Variants in AJAP1 observed in about 807,000 individuals in gnomAD.
The protein encoded by AJAP1 is adherens junction-associated protein 1.
Under a neutral mutation model 35.0 loss-of-function variants are expected in AJAP1, and 5 were observed. The ratio of observed to expected loss-of-function variants is 0.14; its 90% CI spans 0.07 to 0.30. The LOEUF (loss-of-function observed/expected upper bound fraction) is 0.30, where lower values mean the gene tolerates loss of function less well. Among genes scored for constraint, AJAP1 ranks in the 10% least tolerant of loss-of-function variants. The probability of loss-of-function intolerance (pLI) is 1.00; values close to 1 mark genes in which losing one functional copy is unlikely to be tolerated. For synonymous variants in AJAP1, 284 were observed against 249.3 expected (o/e 1.14, Z -1.31); for missense variants, 586 against 571.0 (o/e 1.03, Z -0.27).
Position 4,712,176 on chromosome 1 carries a change from C to A in AJAP1, c.306C>A (p.His102Gln). 1 of 1,565,446 alleles carries A rather than the reference C, an allele frequency of 6.4e-7. No homozygotes were observed. Among genetic ancestry groups the A allele is most frequent in the Non-Finnish European group, 8.6e-7 (1 of 1,161,978 alleles). ...QMQMPRARRA[H>Q]RPRDQAAALV... is the part of the protein sequence containing the mutation. ...AGATGCCTCGAGCCAGACGGGCCCA[C>A]AGGCCCCGGGACCAGGCGGCCGCCC... Residue 102 changes from histidine (H) to glutamine (Q), a missense_variant, in exon 2 of 6, where the codon CAC (histidine) becomes CAA (glutamine). Transcript: ENST00000378191.
intron 5 of AJAP1, chr1:4,777,917 G>A (rs1641972095): frequency 6.6e-6 from 1 of 152,202 alleles, no homozygotes; most frequent in African/African-American, 2.4e-5. Context: ...TGCTTGCTGA[G>A]CTGAGAACAG....
At chr1:4,752,963 C>T (rs909227297) in intron 2 of AJAP1, among the ~76,000 whole-genome samples, 1 of 152,298 alleles carries the variant, frequency 6.6e-6, no homozygotes, top group East Asian at 1.9e-4. Context: ...CTGGGGTGCT[C>T]CTTGGCCACA....
At chr1:4,773,538 C>G (rs1254743101) in intron 4 of AJAP1, among the ~76,000 whole-genome samples, 1 of 152,240 alleles carries the variant, frequency 6.6e-6, no homozygotes, top group Non-Finnish European at 1.5e-5. Context: ...TATTCTCTGT[C>G]TTAGACGTTC....
At chr1:4,749,547 C>T (rs989568537) in intron 2 of AJAP1, among the ~76,000 whole-genome samples, 1 of 152,208 alleles carries the variant, frequency 6.6e-6, no homozygotes, top group Non-Finnish European at 1.5e-5. Flanking sequence ...CCCAGCCCTC[C>T]ACGGACGTGG....
chr1:4,712,435 G>A lies in AJAP1; in HGVS notation c.565G>A (p.Glu189Lys), dbSNP rs201071684. 1 of 1,605,716 alleles carries A rather than the reference G, an allele frequency of 6.2e-7. No individual in the cohort carries two copies. The stretch of plus-strand genomic sequence containing the variant: ...CATCGCCTGGGGGCCCACGGGGGAC[G>A]AGGAGGCCCTGGAGTCCAACACATT... ...EFIAWGPTGD[E>K]EALESNTFPG... Residue 189 changes from glutamate (E) to lysine (K), a missense_variant, in exon 2 of 6, where the codon GAG (glutamate) becomes AAG (lysine). Glu to Lys is a moderately conservative substitution (Grantham distance 56). Coordinates refer to ENST00000378191, the MANE Select transcript of AJAP1 (RefSeq NM_018836.4).
chr1:4,788,766 A>G lies in AJAP1; in HGVS notation c.*6281A>G, dbSNP rs1395031507. On this transcript the variant is annotated 3_prime_UTR_variant, in exon 6 of 6. Coordinates refer to ENST00000378191, the MANE Select transcript of AJAP1 (RefSeq NM_018836.4). ...GTGCACAATGGCCCCCAGAATATCC[A>G]GTGACCCAAGTGATGTTAGTCTTAG... 1 of 152,164 alleles carries G rather than the reference A, an allele frequency of 6.6e-6. No homozygotes were observed. The highest frequency in any genetic ancestry group is 2.4e-5 in the African/African-American group (1 of 41,430). 9.4% of individuals were successfully genotyped at this position (152,164 alleles called of 1,614,324 possible).
chr1:4,724,309 C>A (rs1158399271), intron 2 of AJAP1, among the ~76,000 whole-genome samples: 1 of 152,152 alleles, frequency 6.6e-6, no homozygotes, highest in African/African-American at 2.4e-5. Context: ...GGGAGGATTT[C>A]TGTCCCCTCT....
intron 2 of AJAP1, among the ~76,000 whole-genome samples, chr1:4,750,473 C>T (rs891030963): frequency 7.9e-5 from 12 of 152,284 alleles, no homozygotes; most frequent in South Asian, 6.2e-4. Context: ...GTGAAAAGTG[C>T]ATGTGGCAGC....
Position 4,655,291 on chromosome 1 carries a change from G to A in AJAP1, c.-135G>A, listed in dbSNP as rs947552661. 103 of 613,296 alleles carry A rather than the reference G, an allele frequency of 1.7e-4. No homozygotes were observed. Among genetic ancestry groups the A allele is most frequent in the Non-Finnish European group, 2.0e-4 (94 of 468,764 alleles). The allele number at this position is 613,296 out of a possible 1,614,324, so 38.0% of individuals were successfully genotyped here. A position where few individuals can be genotyped will look rare whatever the true frequency, so the allele number is the denominator to read the frequency against. ...CGCGCTCTGACTCGCTGTGCGCCCC[G>A]CGGCCGGCGGGCGGCGGGAGGCGGC... On this transcript the variant is annotated 5_prime_UTR_variant, in exon 1 of 6. Coordinates refer to ENST00000378191, the MANE Select transcript of AJAP1 (RefSeq NM_018836.4). The surrounding 1 kb of genome is among the most constrained non-coding windows in gnomAD (Gnocchi z 6.9).
At chr1:4,753,015 C>A (rs901646741) in intron 2 of AJAP1, among the ~76,000 whole-genome samples, 1 of 152,224 alleles carries the variant, frequency 6.6e-6, no homozygotes, top group Non-Finnish European at 1.5e-5. Context: ...CTTGTATGAC[C>A]TTCTCTCCAT....
intron 1 of AJAP1, among the ~76,000 whole-genome samples, chr1:4,668,095 G>A (rs1639173548): frequency 6.6e-6 from 1 of 152,094 alleles, no homozygotes. Flanking sequence ...TATGCTTGTA[G>A]TCCCAGCTAG....
At chr1:4,662,370 T>C (rs1639017776) in intron 1 of AJAP1, among the ~76,000 whole-genome samples, 1 of 152,198 alleles carries the variant, frequency 6.6e-6, no homozygotes, top group African/African-American at 2.4e-5. Context: ...CTGCCTTCTT[T>C]AGTGTCATGT....
chr1:4,696,710 G>C (rs1455600587), intron 1 of AJAP1, among the ~76,000 whole-genome samples: 1 of 152,244 alleles, frequency 6.6e-6, no homozygotes, highest in Non-Finnish European at 1.5e-5. Flanking sequence ...GGCTGTGCCT[G>C]CATGGTGTGT....
chr1:4,737,721 C>T (rs1237244145), intron 2 of AJAP1, among the ~76,000 whole-genome samples: 2 of 152,090 alleles, frequency 1.3e-5, no homozygotes, highest in Non-Finnish European at 1.5e-5. Context: ...AGTGAGACCC[C>T]GTTTTCTACA....
At chr1:4,663,669 G>T (rs996417321) in intron 1 of AJAP1, among the ~76,000 whole-genome samples, 1 of 107,080 alleles carries the variant, frequency 9.3e-6, no homozygotes, top group Non-Finnish European at 2.0e-5. Flanking sequence ...GGCCCCAGAC[G>T]GTCTTTGTAT....
At chr1:4,732,681 G>A (rs1640827024) in intron 2 of AJAP1, among the ~76,000 whole-genome samples, 2 of 152,256 alleles carry the variant, frequency 1.3e-5, no homozygotes, top group African/African-American at 4.8e-5. Context: ...CAGGAGTGAG[G>A]GAGTGAGGGT....
chr1:4,740,119 C>T (rs1375818516), intron 2 of AJAP1, among the ~76,000 whole-genome samples: 1 of 152,030 alleles, frequency 6.6e-6, no homozygotes, highest in Non-Finnish European at 1.5e-5. Flanking sequence ...CCCAGGTGTC[C>T]ATCTATGGAT....
intron 1 of AJAP1, among the ~76,000 whole-genome samples, chr1:4,675,276 T>A (rs2100520917): frequency 6.6e-6 from 1 of 152,328 alleles, no homozygotes; most frequent in Admixed American, 6.5e-5. Context: ...GCCGTCATAC[T>A]CACAGTAATG....
intron 2 of AJAP1, among the ~76,000 whole-genome samples, chr1:4,728,152 G>A (rs1640713269): frequency 6.6e-6 from 1 of 152,198 alleles, no homozygotes; most frequent in Admixed American, 6.5e-5. Flanking sequence ...AGACAACTAG[G>A]AGAGCCTGGA....
Sources: allele counts gnomAD v4.1 joint callset (sites outside exome capture counted in the v4.1 genomes callset), GRCh38; gene constraint gnomAD v4.1.1; non-coding constraint Gnocchi (gnomAD v3.1); transcripts MANE v1.5; gene names NCBI Gene and HGNC (gene_info 2026-07-23, HGNC 2026-07-21).